FOXP2: variants seen among roughly 807,000 people sequenced by gnomAD.
The protein encoded by FOXP2 is forkhead box protein P2.
Under a neutral mutation model 115.8 loss-of-function variants are expected in FOXP2, and 12 were observed. The ratio of observed to expected loss-of-function variants is 0.10; its 90% confidence interval spans 0.07 to 0.17. The LOEUF (loss-of-function observed/expected upper bound fraction) is 0.17, where lower values mean the gene tolerates loss of function less well. Ranked by LOEUF, FOXP2 falls within the 10% of genes least tolerant of loss-of-function variation. The pLI is 1.00. For missense variants in FOXP2, 629 were observed against 843.5 expected (o/e 0.75, Z 3.15); for synonymous variants, 328 against 297.7 (o/e 1.10, Z -1.05).
chr7:114,146,529 GAAAA>G (rs920022963), intron 1 of FOXP2, among the ~76,000 whole-genome samples: 7 of 152,162 alleles, frequency 4.6e-5, no homozygotes, highest in African/African-American at 1.4e-4. Context: ...AGTTGGAAAA[GAAAA>G]GAAAGGAGAG....
intron 3 of FOXP2, among the ~76,000 whole-genome samples, chr7:114,586,848 C>A (rs1002465011): frequency 4.6e-5 from 7 of 151,890 alleles, no homozygotes; most frequent in Admixed American, 1.3e-4. Context: ...TTTTAAACAA[C>A]ATTGCTTACT....
In FOXP2 at chr7:114,499,913, T is replaced by G. The variant is rs1221583472; in HGVS notation, c.169-34704T>G. 2.0e-5 allele frequency among the ~76,000 whole-genome samples: 3 copies of G among 152,076 alleles called. No individual in the cohort carries two copies. In the East Asian group the frequency reaches 5.8e-4, roughly 29 times the overall value. On this transcript the variant is annotated intron_variant, in intron 2 of 16. Coordinates refer to ENST00000350908, the MANE Select transcript of FOXP2 (RefSeq NM_014491.4). Reference sequence around the variant, plus strand: ...TTAATATAGTTTTGGGTTAATAAAATGGAATCAAAAATGTAATGTCAGCAG... The same window carrying G: ...TTAATATAGTTTTGGGTTAATAAAAGGGAATCAAAAATGTAATGTCAGCAG...
chr7:114,306,593 A>G (rs1230646749), intron 2 of FOXP2, among the ~76,000 whole-genome samples: 1 of 152,126 alleles, frequency 6.6e-6, no homozygotes, highest in Non-Finnish European at 1.5e-5. Flanking sequence ...TCAAGTCTGA[A>G]CCCTGCACTA....
At chr7:114,176,182 TTG>T in intron 1 of FOXP2, among the ~76,000 whole-genome samples, 1 of 5,172 alleles carries the variant, frequency 1.9e-4, no homozygotes, top group African/African-American at 3.2e-4. Flanking sequence ...TTCTCTTTTC[TTG>T]TCTTGTCTTG....
At chr7:114,608,838 A>C (rs1386013836) in intron 3 of FOXP2, among the ~76,000 whole-genome samples, 1 of 152,202 alleles carries the variant, frequency 6.6e-6, no homozygotes, top group Non-Finnish European at 1.5e-5. Flanking sequence ...AGCTTTGAAA[A>C]AGAGTCATTC....
chr7:114,521,567 G>T (rs993786745), intron 2 of FOXP2, among the ~76,000 whole-genome samples: 4 of 147,868 alleles, frequency 2.7e-5, no homozygotes, highest in African/African-American at 9.9e-5. Flanking sequence ...TAGGGGTGCC[G>T]TTTAGAGAAT....
chr7:114,106,539 A>G (rs1237316029), intron 1 of FOXP2, among the ~76,000 whole-genome samples: 1 of 151,974 alleles, frequency 6.6e-6, no homozygotes, highest in African/African-American at 2.4e-5. Flanking sequence ...CCAGAAGTAG[A>G]TATATCATGT....
At chr7:114,382,034 G>A (rs1792317745) in intron 2 of FOXP2, among the ~76,000 whole-genome samples, 1 of 152,138 alleles carries the variant, frequency 6.6e-6, no homozygotes, top group Non-Finnish European at 1.5e-5. Context: ...CCCTGCTTTT[G>A]CTAGAATGTC....
intron 2 of FOXP2, among the ~76,000 whole-genome samples, chr7:114,327,138 T>C (rs1797574877): frequency 6.6e-6 from 1 of 152,228 alleles, no homozygotes; most frequent in South Asian, 2.1e-4. Flanking sequence ...TTCCTATCAG[T>C]GATCACAGTT....
At chr7:114,123,351 CAA>C (rs35721597) in intron 1 of FOXP2, among the ~76,000 whole-genome samples, 15 of 78,398 alleles carry the variant, frequency 1.9e-4, no homozygotes, top group East Asian at 4.7e-4. Context: ...AAAGCCCTGT[CAA>C]AAAAAAAAAA....
intron 2 of FOXP2, among the ~76,000 whole-genome samples, chr7:114,372,265 CTGTT>C (rs902258301): frequency 9.2e-5 from 14 of 152,152 alleles, no homozygotes; most frequent in African/African-American, 3.1e-4. Flanking sequence ...TTAAAAAAAA[CTGTT>C]TGAAAGCATT....
At chr7:114,132,183 A>G (rs1791896946) in intron 1 of FOXP2, among the ~76,000 whole-genome samples, 1 of 152,214 alleles carries the variant, frequency 6.6e-6, no homozygotes, top group Admixed American at 6.5e-5. Flanking sequence ...ATCGTATTAA[A>G]CTGATACTTT....
At chr7:114,630,074 A>C in intron 5 of FOXP2, 69 bp downstream of exon 5, 1 of 1,600,278 alleles carries the variant, frequency 6.2e-7, no homozygotes, top group South Asian at 1.1e-5. Context: ...CGGCAAGAAT[A>C]GTCTTAGATC....
rs1443450258 is a variant in FOXP2 at position 114,693,271 on chromosome 7, C to T, written c.*3345C>T. ...GCATTCTGTGTCTACAGCTGCTTAACTTCATAAGAATGCATTTCTTTGTGA... is the reference window on the plus strand; with the variant it reads ...GCATTCTGTGTCTACAGCTGCTTAATTTCATAAGAATGCATTTCTTTGTGA... On this transcript the variant is annotated 3_prime_UTR_variant, in exon 17 of 17. Coordinates refer to ENST00000350908, the MANE Select transcript of FOXP2 (RefSeq NM_014491.4). The T allele has an allele frequency of 4.4e-6, 2 of 450,788 alleles. No homozygotes were observed. Among genetic ancestry groups the T allele is most frequent in the East Asian group, 7.0e-5 (1 of 14,370 alleles). The allele number at this position is 450,788 out of a possible 1,614,324, so 27.9% of individuals were successfully genotyped here. A position where few individuals can be genotyped will look rare whatever the true frequency, so the allele number is the denominator to read the frequency against.
chr7:114,238,910 G>A (rs1352894798), intron 1 of FOXP2, among the ~76,000 whole-genome samples: 1 of 149,254 alleles, frequency 6.7e-6, no homozygotes, highest in Non-Finnish European at 1.5e-5. Context: ...AAATATATAT[G>A]TGTATATTAT....
intron 1 of FOXP2, among the ~76,000 whole-genome samples, chr7:114,260,058 A>T (rs1795710549): frequency 6.6e-6 from 1 of 151,966 alleles, no homozygotes; most frequent in Non-Finnish European, 1.5e-5. Context: ...TGCTCGGCTA[A>T]TTTTTGTAGT....
intron 16 of FOXP2, among the ~76,000 whole-genome samples, chr7:114,682,531 G>A (rs1376860654): frequency 6.6e-6 from 1 of 152,090 alleles, no homozygotes; most frequent in African/African-American, 2.4e-5. Context: ...TTTTGTAGAA[G>A]AAAACCTAAT....
At chr7:114,457,296 A>G (rs1387533732) in intron 2 of FOXP2, among the ~76,000 whole-genome samples, 1 of 152,166 alleles carries the variant, frequency 6.6e-6, no homozygotes, top group African/African-American at 2.4e-5. Context: ...GAAAAAGCAT[A>G]TATGTGAATT....
intron 1 of FOXP2, among the ~76,000 whole-genome samples, chr7:114,420,612 A>G (rs1160070907): frequency 6.6e-6 from 1 of 151,884 alleles, no homozygotes; most frequent in East Asian, 1.9e-4. Flanking sequence ...TTACATATCT[A>G]AGACATACAG....
Sources: gnomAD v4.1 joint callset for allele counts (sites outside exome capture counted in the v4.1 genomes callset) on GRCh38, gnomAD v4.1.1 for gene constraint, MANE v1.5 for transcripts, NCBI Gene and HGNC (gene_info 2026-07-23, HGNC 2026-07-21) for gene names.